Variants in PCDHA1 observed in about 807,000 individuals in gnomAD.
PCDHA1 encodes the protein protocadherin alpha 1.
Under a neutral mutation model 61.3 loss-of-function variants are expected in PCDHA1, and 42 were observed. The observed-to-expected ratio is 0.69, with a 90% CI of 0.54 to 0.89. The LOEUF is 0.89. PCDHA1 is among the 40% of genes least tolerant of loss of function. The pLI is 0.00. For synonymous variants in PCDHA1, 610 were observed against 553.8 expected, an observed-to-expected ratio of 1.10 and a Z score of -1.43; for missense variants, 1,256 against 1,235.3, an observed-to-expected ratio of 1.02 and a Z score of -0.25.
At chr5:140,970,565 T>C (rs1346006828) in intron 1 of PCDHA1, among the ~76,000 whole-genome samples, 2 of 152,182 alleles carry the variant, frequency 1.3e-5, no homozygotes, top group Non-Finnish European at 2.9e-5. Flanking sequence ...TCTCCATATG[T>C]ATGCTTGAAA....
chr5:140,848,195 C>T lies in PCDHA1; in HGVS notation c.2394+59511C>T, dbSNP rs2150407031. ...GCAAGAGAAACGGGATCTTCTGTTT[C>T]AACAATCATTACTTAAGAAAAAATT... On this transcript the variant is annotated intron_variant, in intron 1 of 3. Transcript: ENST00000504120. 38 of 306,006 alleles carry T rather than the reference C, an allele frequency of 1.2e-4. 1 individual carries two copies. Among genetic ancestry groups the T allele is most frequent in the Admixed American group, 5.2e-4 (11 of 21,218 alleles). 19.0% of individuals were successfully genotyped at this position (306,006 alleles called of 1,614,324 possible).
At chr5:140,842,004 T>G (rs1554138709) in intron 1 of PCDHA1, 6 of 1,613,692 alleles carry the variant, frequency 3.7e-6, no homozygotes, top group Non-Finnish European at 5.1e-6. Context: ...ACTGTTCAGC[T>G]GCTGGTCACA....
chr5:140,917,874 C>T (rs1240832097), intron 1 of PCDHA1, among the ~76,000 whole-genome samples: 2 of 151,008 alleles, frequency 1.3e-5, no homozygotes, highest in African/African-American at 4.9e-5. Context: ...ACTATTTGGG[C>T]TCTTTTTTTT....
At position 140,971,724 on chromosome 5, in the gene PCDHA1, C is replaced by T. The variant is rs1489489083; in HGVS notation, c.2395-7225C>T. On this transcript the variant is annotated intron_variant, in intron 1 of 3. Coordinates refer to ENST00000504120, the MANE Select transcript of PCDHA1 (RefSeq NM_018900.4). ...CCCTGCTATATAGATATATGTATAT[C>T]ATACATATACACATACATATATCTC... 2.0e-5 allele frequency among the ~76,000 whole-genome samples: 3 copies of T among 151,776 alleles called. No homozygotes were observed. The East Asian group carries it at 5.8e-4, about 29-fold the overall frequency.
chr5:141,005,664 T>G (rs1554260244), intron 3 of PCDHA1, among the ~76,000 whole-genome samples: 1 of 122,102 alleles, frequency 8.2e-6, no homozygotes. Flanking sequence ...ATCGCGCCAC[T>G]GCACTCCAGC....
intron 1 of PCDHA1, among the ~76,000 whole-genome samples, chr5:140,799,362 A>G (rs1762421581): frequency 6.6e-6 from 1 of 152,128 alleles, no homozygotes; most frequent in Admixed American, 6.5e-5. Flanking sequence ...AAGGCATCTC[A>G]TTACTATGAA....
intron 1 of PCDHA1, chr5:140,927,515 G>A (rs782499434): frequency 1.2e-6 from 2 of 1,614,100 alleles, no homozygotes; most frequent in South Asian, 1.1e-5. Flanking sequence ...GCTCGGGACG[G>A]CGGGCTACCT....
intron 2 of PCDHA1, among the ~76,000 whole-genome samples, chr5:140,979,550 T>C (rs1201791524): frequency 5.3e-5 from 8 of 152,238 alleles, no homozygotes; most frequent in Non-Finnish European, 7.3e-5. Flanking sequence ...ACATGGTTCT[T>C]CAGAAGATGA....
At chr5:140,851,915 T>G (rs1554145604) in intron 1 of PCDHA1, 1 of 967,000 alleles carries the variant, frequency 1.0e-6, no homozygotes, top group Non-Finnish European at 1.2e-6. Context: ...TGTCACTACA[T>G]GTTATGTTTC....
In PCDHA1 at chr5:140,940,501, C is replaced by T. The variant is rs542798581; in HGVS notation, c.2395-38448C>T. Among the ~76,000 whole-genome samples, 272 of 152,010 alleles carry T rather than the reference C, an allele frequency of 1.8e-3. 2 individuals are homozygous for T. The highest frequency in any genetic ancestry group is 6.1e-3 in the African/African-American group (254 of 41,464). Reference sequence around the variant, plus strand: ...TTTTTCAAGACAAGTCTTGCTCCGTCGCTCAGGCGTGATCATAGCTCACTG... The same window carrying T: ...TTTTTCAAGACAAGTCTTGCTCCGTTGCTCAGGCGTGATCATAGCTCACTG... On this transcript the variant is annotated intron_variant, in intron 1 of 3. Coordinates refer to ENST00000504120, the MANE Select transcript of PCDHA1 (RefSeq NM_018900.4).
At chr5:140,971,207 A>C (rs2096463327) in intron 1 of PCDHA1, among the ~76,000 whole-genome samples, 1 of 152,050 alleles carries the variant, frequency 6.6e-6, no homozygotes, top group South Asian at 2.1e-4. Flanking sequence ...AGACACTGTT[A>C]CCCTCCCTCT....
At position 140,848,466 on chromosome 5, in the gene PCDHA1, C is replaced by T. The variant is rs2150410896; in HGVS notation, c.2394+59782C>T. 2.6e-6 allele frequency: 4 copies of T among 1,545,340 alleles called. No homozygotes were observed. In the South Asian group the frequency reaches 3.6e-5, roughly 14 times the overall value. ...TTTCTTCTAATTTGGAGGCAATTTTCACTAATTAGAAGAAGACTGAGTATT... is the reference window on the plus strand; with the variant it reads ...TTTCTTCTAATTTGGAGGCAATTTTTACTAATTAGAAGAAGACTGAGTATT... On this transcript the variant is annotated intron_variant, in intron 1 of 3. Transcript: ENST00000504120.
intron 1 of PCDHA1, chr5:140,830,609 TTTTA>T: frequency 4.9e-6 from 3 of 615,770 alleles, no homozygotes; most frequent in Admixed American, 3.9e-5. Flanking sequence ...CATATTTTCA[TTTTA>T]TTGTGTTTCT....
chr5:140,870,315 C>T, intron 1 of PCDHA1: 1 of 1,614,234 alleles, frequency 6.2e-7, no homozygotes, highest in Non-Finnish European at 8.5e-7. Context: ...AGAATTACTA[C>T]TCGTTGGTGC....
At chr5:140,960,853 T>C (rs1554225072) in intron 1 of PCDHA1, among the ~76,000 whole-genome samples, 2 of 152,214 alleles carry the variant, frequency 1.3e-5, no homozygotes, top group Non-Finnish European at 1.5e-5. Flanking sequence ...ATGGCAACTA[T>C]AAGCCAGAAA....
intron 1 of PCDHA1, among the ~76,000 whole-genome samples, chr5:140,887,955 C>A (rs568878730): frequency 4.4e-4 from 67 of 152,206 alleles, no homozygotes; most frequent in African/African-American, 1.6e-3. Flanking sequence ...GTATAAGATT[C>A]TTTTTGTCTC....
intron 1 of PCDHA1, among the ~76,000 whole-genome samples, chr5:140,896,969 CACAA>C (rs1554187153): frequency 2.0e-5 from 3 of 152,106 alleles, no homozygotes; most frequent in African/African-American, 7.2e-5. Context: ...TTATTCTTTG[CACAA>C]ACAAACCAGT....
intron 1 of PCDHA1, chr5:140,796,594 C>A (rs1762107949): frequency 6.2e-7 from 1 of 1,612,524 alleles, no homozygotes. Flanking sequence ...GGGCGTGCCG[C>A]CTCTGGGCAG....
At chr5:140,903,714 A>G (rs1159490924) in intron 1 of PCDHA1, among the ~76,000 whole-genome samples, 3 of 152,324 alleles carry the variant, frequency 2.0e-5, no homozygotes, top group African/African-American at 2.4e-5. Context: ...AAAATATACA[A>G]TTCTCCCTAT....
Sources: allele counts gnomAD v4.1 joint callset (sites outside exome capture counted in the v4.1 genomes callset), GRCh38; gene constraint gnomAD v4.1.1; transcripts MANE v1.5; gene names NCBI Gene and HGNC (gene_info 2026-07-23, HGNC 2026-07-21).